VDAC1: variants seen among roughly 807,000 people sequenced by gnomAD.
VDAC1 encodes the protein non-selective voltage-gated ion channel VDAC1.
In VDAC1, 10 loss-of-function variants were observed where a neutral mutation model predicts 34.7. The ratio of observed to expected loss-of-function variants is 0.29; its 90% confidence interval spans 0.18 to 0.49. The LOEUF is 0.49. Among genes scored for constraint, VDAC1 ranks in the 20% least tolerant of loss-of-function variants. The pLI is 0.99. For synonymous variants in VDAC1, 130 were observed against 136.0 expected (o/e 0.96, Z 0.30); for missense variants, 230 against 347.9 (o/e 0.66, Z 2.69).
At chr5:134,026,821 T>C in the VDAC1 span, among the ~76,000 whole-genome samples, 2 of 152,204 alleles carry the variant, frequency 1.3e-5, no homozygotes, top group African/African-American at 4.8e-5. Flanking sequence ...AGGTAAATTC[T>C]CAAGACAGAT....
At chr5:134,104,883 C>T in the VDAC1 span, among the ~76,000 whole-genome samples, 1 of 152,238 alleles carries the variant, frequency 6.6e-6, no homozygotes, top group African/African-American at 2.4e-5. Flanking sequence ...CCCTGCCACG[C>T]CCAATCCCAG....
the VDAC1 span, among the ~76,000 whole-genome samples, chr5:134,078,167 C>T: frequency 6.6e-6 from 1 of 152,212 alleles, no homozygotes; most frequent in Non-Finnish European, 1.5e-5. Flanking sequence ...CTGGGCTGGG[C>T]TGGCCTGCAG....
chr5:134,058,338 G>C, the VDAC1 span, among the ~76,000 whole-genome samples: 1 of 148,118 alleles, frequency 6.8e-6, no homozygotes, highest in Non-Finnish European at 1.5e-5. Flanking sequence ...TTTTGAGACG[G>C]AGTCTCACTC....
At chr5:134,113,103 C>T in the VDAC1 span, among the ~76,000 whole-genome samples, 2 of 152,208 alleles carry the variant, frequency 1.3e-5, no homozygotes, top group Non-Finnish European at 2.9e-5. Context: ...CCTCTCCCCT[C>T]CGGGCAGGGC....
the VDAC1 span, among the ~76,000 whole-genome samples, chr5:134,095,407 CAGG>C: frequency 6.6e-6 from 1 of 151,884 alleles, no homozygotes; most frequent in East Asian, 1.9e-4. Flanking sequence ...TGCTTGAGCC[CAGG>C]AGATTGAGCC....
chr5:134,050,070 GA>G, the VDAC1 span, among the ~76,000 whole-genome samples: 2 of 152,010 alleles, frequency 1.3e-5, 1 homozygote, highest in Middle Eastern at 6.3e-3. Context: ...CCAACATGGT[GA>G]AACTCCGTTT....
chr5:134,058,540 C>A, the VDAC1 span, among the ~76,000 whole-genome samples: 1 of 152,108 alleles, frequency 6.6e-6, no homozygotes, highest in African/African-American at 2.4e-5. Context: ...CGGTCTCAAT[C>A]TCCTGACCTC....
At chr5:134,071,191 A>G in the VDAC1 span, among the ~76,000 whole-genome samples, 1 of 152,216 alleles carries the variant, frequency 6.6e-6, no homozygotes, top group Non-Finnish European at 1.5e-5. This position sits in a 1 kb window ranked among gnomAD's most constrained non-coding sequence, Gnocchi z 4.1. Context: ...GAATTTACAA[A>G]GAGTTCCCAG....
the VDAC1 span, among the ~76,000 whole-genome samples, chr5:134,112,154 C>T: frequency 6.6e-6 from 1 of 152,296 alleles, no homozygotes; most frequent in East Asian, 1.9e-4. Context: ...CCAAACCCTC[C>T]TAAGCCATCC....
the VDAC1 span, among the ~76,000 whole-genome samples, chr5:134,039,985 C>G: frequency 3.9e-5 from 6 of 152,220 alleles, no homozygotes; most frequent in Admixed American, 3.9e-4. Context: ...CACAGGGTGA[C>G]AGCACCCCCT....
the VDAC1 span, among the ~76,000 whole-genome samples, chr5:134,015,012 C>A: frequency 6.6e-6 from 1 of 152,082 alleles, no homozygotes; most frequent in African/African-American, 2.4e-5. Flanking sequence ...ATATATATGG[C>A]GGAATACTAC....
chr5:133,997,084 C>G (rs1753343700), intron 1 of VDAC1, among the ~76,000 whole-genome samples: 2 of 152,148 alleles, frequency 1.3e-5, no homozygotes, highest in South Asian at 4.1e-4. Flanking sequence ...ACTTAACCAG[C>G]AGTCTGGCAA....
At chr5:134,106,387 C>T in the VDAC1 span, among the ~76,000 whole-genome samples, 2 of 149,560 alleles carry the variant, frequency 1.3e-5, no homozygotes, top group African/African-American at 2.5e-5. Flanking sequence ...TACAAGATTC[C>T]AGTGAGACAG....
chr5:134,066,035 C>T, the VDAC1 span, among the ~76,000 whole-genome samples: 1 of 152,092 alleles, frequency 6.6e-6, no homozygotes, highest in Non-Finnish European at 1.5e-5. Flanking sequence ...CCTCATGATC[C>T]ACTTGCCTCA....
At chr5:134,053,571 G>T in the VDAC1 span, among the ~76,000 whole-genome samples, 3 of 152,180 alleles carry the variant, frequency 2.0e-5, no homozygotes, top group African/African-American at 7.2e-5. Context: ...CAGCTGCTCT[G>T]GGAGGAAGCC....
At chr5:134,002,446 C>T (rs545417953) in intron 1 of VDAC1, among the ~76,000 whole-genome samples, 7 of 152,296 alleles carry the variant, frequency 4.6e-5, no homozygotes, top group African/African-American at 1.7e-4. Flanking sequence ...GGTAACAGGC[C>T]CAACACCTTC....
upstream of VDAC1, among the ~76,000 whole-genome samples, chr5:134,008,255 G>A (rs1343197678): frequency 5.9e-5 from 9 of 152,062 alleles, no homozygotes; most frequent in Non-Finnish European, 8.8e-5. Flanking sequence ...GCCCATAAGA[G>A]AAAGGCAGAG....
chr5:134,055,308 G>T, the VDAC1 span, among the ~76,000 whole-genome samples: 1 of 152,206 alleles, frequency 6.6e-6, no homozygotes, highest in African/African-American at 2.4e-5. Flanking sequence ...GGGGGCATGG[G>T]AAGAGTTTTC....
the VDAC1 span, among the ~76,000 whole-genome samples, chr5:134,020,642 C>G: frequency 6.7e-6 from 1 of 148,360 alleles, no homozygotes; most frequent in African/African-American, 2.5e-5. Context: ...GATTATGGAA[C>G]AGGCTTCTTT....
Sources: allele counts gnomAD v4.1 joint callset (sites outside exome capture counted in the v4.1 genomes callset), GRCh38; gene constraint gnomAD v4.1.1; non-coding constraint Gnocchi (gnomAD v3.1); transcripts MANE v1.5; gene names NCBI Gene and HGNC (gene_info 2026-07-23, HGNC 2026-07-21).